Variants in SLC35F2 observed in about 807,000 individuals in gnomAD.
SLC35F2 encodes the protein solute carrier family 35 member F2.
A neutral mutation model predicts 38.1 loss-of-function variants in SLC35F2; 25 were observed. The observed-to-expected ratio is 0.66, with a 90% confidence interval of 0.48 to 0.92. The LOEUF is 0.92. Among genes scored for constraint, SLC35F2 ranks in the 40% least tolerant of loss-of-function variants. The pLI, the probability that SLC35F2 is intolerant of heterozygous loss-of-function variation, is 0.00. For synonymous variants in SLC35F2, 173 were observed against 181.7 expected, an observed-to-expected ratio of 0.95 and a Z score of 0.38; for missense variants, 409 against 452.9, an observed-to-expected ratio of 0.90 and a Z score of 0.88.
At chr11:107,815,484 G>A (rs746159570) in intron 2 of SLC35F2, among the ~76,000 whole-genome samples, 1 of 151,762 alleles carries the variant, frequency 6.6e-6, no homozygotes, top group Non-Finnish European at 1.5e-5. Flanking sequence ...CTTGAGCCTG[G>A]GAGGTCAAGG....
chr11:107,839,576 T>C (rs1859984516), intron 1 of SLC35F2, among the ~76,000 whole-genome samples: 1 of 152,214 alleles, frequency 6.6e-6, no homozygotes, highest in Admixed American at 6.5e-5. Flanking sequence ...CTGATAAAAA[T>C]AAGGGAAAAT....
At chr11:107,844,266 C>T (rs1431938703) in intron 1 of SLC35F2, among the ~76,000 whole-genome samples, 1 of 152,180 alleles carries the variant, frequency 6.6e-6, no homozygotes, top group East Asian at 1.9e-4. Context: ...CCTCACCTCT[C>T]CGTGCTCCAA....
At chr11:107,849,119 C>T (rs914473156) in intron 1 of SLC35F2, among the ~76,000 whole-genome samples, 1 of 151,950 alleles carries the variant, frequency 6.6e-6, no homozygotes, top group Non-Finnish European at 1.5e-5. Context: ...AATAAAAAAC[C>T]TATTTTTGTA....
chr11:107,829,760 C>A (rs1402176865), intron 1 of SLC35F2, among the ~76,000 whole-genome samples: 9 of 150,092 alleles, frequency 6.0e-5, no homozygotes, highest in Non-Finnish European at 1.2e-4. Context: ...GGTCTATGAA[C>A]TTCAGTAGAA....
intron 1 of SLC35F2, among the ~76,000 whole-genome samples, chr11:107,857,764 G>A (rs1207808656): frequency 2.6e-5 from 4 of 152,122 alleles, no homozygotes; most frequent in African/African-American, 4.8e-5. Flanking sequence ...CGGCTTGAAC[G>A]CATCACCCCT....
intron 1 of SLC35F2, among the ~76,000 whole-genome samples, chr11:107,846,724 G>A (rs1404720027): frequency 6.6e-6 from 1 of 152,096 alleles, no homozygotes; most frequent in Non-Finnish European, 1.5e-5. Flanking sequence ...TTGAGGTCAG[G>A]AGTTCAAGGC....
chr11:107,811,362 A>T (rs1336501042), intron 3 of SLC35F2: 7 of 516,584 alleles, frequency 1.4e-5, no homozygotes, highest in Non-Finnish European at 1.7e-5. Context: ...ATGTTTGAGC[A>T]GCATATAAAA....
intron 1 of SLC35F2, among the ~76,000 whole-genome samples, chr11:107,857,355 A>AGGAGAGAG (rs764338219): frequency 7.1e-6 from 1 of 139,962 alleles, no homozygotes; most frequent in Admixed American, 7.3e-5. Context: ...GAAGGAAGGA[A>AGGAGAGAG]GGAGAGAGGG....
Position 107,836,917 on chromosome 11 carries a change from C to T in SLC35F2, c.111-20952G>A, listed in dbSNP as rs917890034. Among the ~76,000 whole-genome samples, 15 of 152,182 alleles carry T rather than the reference C, an allele frequency of 9.9e-5. No homozygotes were observed. The South Asian group carries it at 1.0e-3, about 11-fold the overall frequency. ...TTATAACTATTTACATTCATCTCAG[C>T]GAATTTCCTTAGTAACAAAATAATC... On this transcript the variant is annotated intron_variant, in intron 1 of 7. Transcript: ENST00000525815.
At chr11:107,854,071 A>G (rs1860237552) in intron 1 of SLC35F2, among the ~76,000 whole-genome samples, 1 of 152,142 alleles carries the variant, frequency 6.6e-6, no homozygotes, top group South Asian at 2.1e-4. Context: ...AAAATTAAAA[A>G]TTAAAAACAT....
intron 3 of SLC35F2, 140 bp downstream of exon 3, chr11:107,811,527 T>G: frequency 1.3e-6 from 1 of 769,396 alleles, no homozygotes; most frequent in Non-Finnish European, 2.0e-6. Flanking sequence ...GAGCATATGC[T>G]CTACTAGAAA....
At chr11:107,810,599 G>A in intron 3 of SLC35F2, 1 of 985,168 alleles carries the variant, frequency 1.0e-6, no homozygotes, top group Non-Finnish European at 1.2e-6. Flanking sequence ...CGAAACTTTA[G>A]GTTCTTTTTG....
At chr11:107,855,816 G>GAAAA (rs10691375) in intron 1 of SLC35F2, among the ~76,000 whole-genome samples, 66 of 148,742 alleles carry the variant, frequency 4.4e-4, no homozygotes, top group Middle Eastern at 3.5e-3. Flanking sequence ...CATTAGGAGA[G>GAAAA]AAAAAAAAAA....
intron 1 of SLC35F2, among the ~76,000 whole-genome samples, chr11:107,848,121 T>C (rs186548743): frequency 3.9e-5 from 6 of 152,298 alleles, no homozygotes; most frequent in Admixed American, 2.0e-4. Context: ...GAAACAGATA[T>C]GGTGATGATT....
At chr11:107,831,779 A>T (rs977410182) in intron 1 of SLC35F2, among the ~76,000 whole-genome samples, 1 of 152,228 alleles carries the variant, frequency 6.6e-6, no homozygotes, top group Non-Finnish European at 1.5e-5. Context: ...CTTTCTCCAG[A>T]GACTGGTCAC....
intron 1 of SLC35F2, chr11:107,816,228 TGA>T: frequency 6.1e-6 from 6 of 985,276 alleles, no homozygotes; most frequent in Non-Finnish European, 7.2e-6. Context: ...GAGATCATTT[TGA>T]TTACTCAGCT....
intron 3 of SLC35F2, chr11:107,810,297 G>T (rs1353781501): frequency 1.0e-6 from 1 of 985,200 alleles, no homozygotes; most frequent in Non-Finnish European, 1.2e-6. Context: ...CAATTTCTTT[G>T]AAATTGAAAG....
chr11:107,841,868 G>C (rs1033720550), intron 1 of SLC35F2, among the ~76,000 whole-genome samples: 4 of 151,892 alleles, frequency 2.6e-5, no homozygotes, highest in African/African-American at 9.7e-5. Context: ...TTCGAAACCA[G>C]TCTGGCCAAC....
At chr11:107,858,584 C>A (rs1860335741) in intron 1 of SLC35F2, 74 bp downstream of exon 1, 1 of 1,218,950 alleles carries the variant, frequency 8.2e-7, no homozygotes, top group Non-Finnish European at 1.0e-6. Flanking sequence ...GAGTGTGCTC[C>A]TTGTCCACGT....
Sources: gnomAD v4.1 joint callset for allele counts (sites outside exome capture counted in the v4.1 genomes callset) on GRCh38, gnomAD v4.1.1 for gene constraint, MANE v1.5 for transcripts, NCBI Gene and HGNC (gene_info 2026-07-23, HGNC 2026-07-21) for gene names.